The following ISM1 variants were observed in gnomAD, a reference collection of about 807,000 sequenced individuals.
ISM1 encodes isthmin-1.
Under a neutral mutation model 46.3 loss-of-function variants are expected in ISM1, and 25 were observed. That is an observed-to-expected ratio of 0.54 (90% CI 0.39 to 0.75). The LOEUF (loss-of-function observed/expected upper bound fraction) is 0.75. Ranked by LOEUF, ISM1 falls within the 30% of genes least tolerant of loss-of-function variation. The pLI is 0.00. For missense variants in ISM1, 536 were observed against 625.4 expected, an observed-to-expected ratio of 0.86 and a Z score of 1.52; for synonymous variants, 255 against 256.7, an observed-to-expected ratio of 0.99 and a Z score of 0.06.
At chr20:13,261,192 T>C (rs1486332372) in intron 1 of ISM1, among the ~76,000 whole-genome samples, 1 of 152,050 alleles carries the variant, frequency 6.6e-6, no homozygotes, top group Non-Finnish European at 1.5e-5. Context: ...GTTGGGTGGA[T>C]CACCTGAGGT....
intron 5 of ISM1, among the ~76,000 whole-genome samples, chr20:13,296,910 C>T (rs972941913): frequency 1.3e-5 from 2 of 151,986 alleles, no homozygotes; most frequent in Admixed American, 6.6e-5. Context: ...CCCAGCTACT[C>T]GGGAGACTGA....
intron 4 of ISM1, among the ~76,000 whole-genome samples, chr20:13,289,659 AAGGAGG>A (rs1198862468): frequency 6.8e-6 from 1 of 146,238 alleles, no homozygotes; most frequent in African/African-American, 2.5e-5. Flanking sequence ...GGAGGAAGAG[AAGGAGG>A]AGGAGGAGGG....
At chr20:13,303,879 C>T (rs766787803), downstream of ISM1, among the ~76,000 whole-genome samples, 11 of 152,182 alleles carry the variant, frequency 7.2e-5, no homozygotes, top group Non-Finnish European at 1.6e-4. Flanking sequence ...TATGATGTTA[C>T]ATTATTTAAG....
chr20:13,286,023 C>G (rs137855815), intron 3 of ISM1, among the ~76,000 whole-genome samples: 1 of 152,200 alleles, frequency 6.6e-6, no homozygotes, highest in Non-Finnish European at 1.5e-5. Flanking sequence ...ACCCACCCCA[C>G]AGGTGATGCA....
At chr20:13,298,304 A>G (rs1475265533) in intron 5 of ISM1, among the ~76,000 whole-genome samples, 2 of 151,928 alleles carry the variant, frequency 1.3e-5, no homozygotes, top group Admixed American at 1.3e-4. Context: ...ACGGGGTTTC[A>G]CCTTGTTGGC....
intron 2 of ISM1, among the ~76,000 whole-genome samples, chr20:13,277,051 C>T (rs181873297): frequency 2.1e-4 from 32 of 151,962 alleles, no homozygotes; most frequent in Admixed American, 4.6e-4. Context: ...ATTTAGTCAT[C>T]GATATAGCTT....
At chr20:13,319,509 G>A in the ISM1 span, among the ~76,000 whole-genome samples, 3 of 152,170 alleles carry the variant, frequency 2.0e-5, no homozygotes, top group East Asian at 1.9e-4. Context: ...AGAGAAGGGA[G>A]CTAGATAGGA....
At chr20:13,262,368 G>C (rs754388859) in intron 1 of ISM1, among the ~76,000 whole-genome samples, 5 of 152,120 alleles carry the variant, frequency 3.3e-5, no homozygotes, top group Non-Finnish European at 7.4e-5. Flanking sequence ...ACACCACAAG[G>C]GCTTTATCAA....
intron 1 of ISM1, among the ~76,000 whole-genome samples, chr20:13,248,792 T>C (rs1224428138): frequency 6.6e-6 from 1 of 152,128 alleles, no homozygotes; most frequent in East Asian, 1.9e-4. Context: ...GACCTGCCAT[T>C]TGGGGGTGAG....
intron 1 of ISM1, among the ~76,000 whole-genome samples, chr20:13,224,266 T>G (rs1387086532): frequency 6.6e-6 from 1 of 152,194 alleles, no homozygotes; most frequent in Non-Finnish European, 1.5e-5. Flanking sequence ...TATAAAAGTT[T>G]TATACTCTTC....
Position 13,299,235 on chromosome 20 carries a change from A to C in ISM1, c.1171A>C (p.Met391Leu). Reference protein sequence around the residue: ...AAQHCCYGDNMQLITRGKGAG... With the variant: ...AAQHCCYGDNLQLITRGKGAG... ...ACAGCACTGCTGCTACGGCGACAACATGCAGCTCATCACCAGGGGCAAGGG... is the reference window on the plus strand; with the variant it reads ...ACAGCACTGCTGCTACGGCGACAACCTGCAGCTCATCACCAGGGGCAAGGG... Residue 391 changes from methionine to leucine, a missense_variant, in exon 6 of 6, where the codon ATG (methionine) becomes CTG (leucine). Physicochemically the swap from Met to Leu is conservative, Grantham distance 15. This residue lies in a region of ISM1 where 169 missense variants were observed against 249.3 expected (regional missense o/e 0.68). Coordinates refer to ENST00000262487, the MANE Select transcript of ISM1 (RefSeq NM_080826.2). The surrounding 1 kb of genome is among the most constrained non-coding windows in gnomAD (Gnocchi z 5.8). 1 of 1,602,404 alleles carries C rather than the reference A, an allele frequency of 6.2e-7. No individual in the cohort carries two copies. The highest frequency in any genetic ancestry group is 8.5e-7 in the Non-Finnish European group (1 of 1,174,440).
At chr20:13,278,905 T>C (rs2040208972) in intron 2 of ISM1, among the ~76,000 whole-genome samples, 1 of 152,176 alleles carries the variant, frequency 6.6e-6, no homozygotes, top group African/African-American at 2.4e-5. Context: ...TCTCTACACA[T>C]GTAGTGGTCT....
At chr20:13,260,236 A>G (rs1473564526) in intron 1 of ISM1, among the ~76,000 whole-genome samples, 1 of 152,190 alleles carries the variant, frequency 6.6e-6, no homozygotes, top group Non-Finnish European at 1.5e-5. Context: ...TAATTGTTTT[A>G]CAGTGTCGGG....
At chr20:13,248,425 A>G (rs1433102279) in intron 1 of ISM1, among the ~76,000 whole-genome samples, 5 of 152,206 alleles carry the variant, frequency 3.3e-5, no homozygotes, top group Admixed American at 2.6e-4. Context: ...CTCCAGAGGA[A>G]GCTATTTTTT....
chr20:13,224,149 T>C (rs1323999443), intron 1 of ISM1, among the ~76,000 whole-genome samples: 1 of 152,172 alleles, frequency 6.6e-6, no homozygotes, highest in Non-Finnish European at 1.5e-5. Context: ...TCAGCTTATC[T>C]TGTAATAGTG....
intron 1 of ISM1, among the ~76,000 whole-genome samples, chr20:13,230,820 A>G (rs1287145413): frequency 6.6e-6 from 1 of 152,200 alleles, no homozygotes; most frequent in Admixed American, 6.5e-5. Context: ...TCCTTTTTAT[A>G]AGAATTATAA....
chr20:13,261,110 C>T (rs2039984533), intron 1 of ISM1, among the ~76,000 whole-genome samples: 2 of 152,172 alleles, frequency 1.3e-5, no homozygotes, highest in Admixed American at 6.5e-5. Context: ...GTCCCTTTGG[C>T]CGCAGTAAGA....
At position 13,253,989 on chromosome 20, in the gene ISM1, G is replaced by A. The variant is rs377248478; in HGVS notation, c.139-16515G>A. ...TCCCAGCACCTTGGGAGGCCGAGGTGAGCGGATCACTTGAGGTCAGGAGTT... is the reference window on the plus strand; with the variant it reads ...TCCCAGCACCTTGGGAGGCCGAGGTAAGCGGATCACTTGAGGTCAGGAGTT... On this transcript the variant is annotated intron_variant, in intron 1 of 5. Transcript: ENST00000262487. Among the ~76,000 whole-genome samples the A allele has an allele frequency of 1.4e-3, 217 of 150,350 alleles. 2 individuals carry two copies. Among genetic ancestry groups the A allele is most frequent in the Middle Eastern group, 6.8e-3 (2 of 292 alleles).
At chr20:13,261,409 G>T (rs1568675294) in intron 1 of ISM1, among the ~76,000 whole-genome samples, 1 of 149,178 alleles carries the variant, frequency 6.7e-6, no homozygotes, top group African/African-American at 2.5e-5. Flanking sequence ...CAAGAGGGAA[G>T]AGTGAAACTC....
Sources: gnomAD v4.1 joint callset for allele counts (sites outside exome capture counted in the v4.1 genomes callset) on GRCh38, gnomAD v4.1.1 for gene constraint, gnomAD v4.1.1 regional missense constraint, Gnocchi (gnomAD v3.1) non-coding constraint, MANE v1.5 for transcripts, NCBI Gene and HGNC (gene_info 2026-07-23, HGNC 2026-07-21) for gene names.